Variants in SYT10 observed in about 807,000 individuals in gnomAD.
The protein encoded by SYT10 is synaptotagmin-10.
Under a neutral mutation model 51.1 loss-of-function variants are expected in SYT10, and 31 were observed. That is an observed-to-expected ratio of 0.61 (90% CI 0.46 to 0.82). The LOEUF (loss-of-function observed/expected upper bound fraction) is 0.82. Ranked by LOEUF, SYT10 falls within the 40% of genes least tolerant of loss-of-function variation. The pLI is 0.00. For synonymous variants in SYT10, 233 were observed against 225.9 expected, an observed-to-expected ratio of 1.03 and a Z score of -0.28; for missense variants, 603 against 634.0, an observed-to-expected ratio of 0.95 and a Z score of 0.53.
At chr12:33,430,446 C>T (rs561227084) in intron 1 of SYT10, among the ~76,000 whole-genome samples, 2 of 152,286 alleles carry the variant, frequency 1.3e-5, no homozygotes, top group Non-Finnish European at 2.9e-5. Flanking sequence ...CTTATAAATA[C>T]TGCTAGGTCC....
In SYT10 at chr12:33,399,738, G is replaced by T. The variant is rs556619429; in HGVS notation, c.1077+7051C>A. On this transcript the variant is annotated intron_variant, in intron 3 of 6. Coordinates refer to ENST00000228567, the MANE Select transcript of SYT10 (RefSeq NM_198992.4). Reference sequence around the variant, plus strand: ...CATGGTCTTATGATAGTATATGAAGGACTCTACTATTTTTAAACTGAAGTT... The same window carrying T: ...CATGGTCTTATGATAGTATATGAAGTACTCTACTATTTTTAAACTGAAGTT... Among the ~76,000 whole-genome samples the T allele has an allele frequency of 3.3e-5, 5 of 152,162 alleles. 1 individual carries two copies. In the East Asian group the frequency reaches 9.6e-4, roughly 29 times the overall value.
rs190751546 is a variant in SYT10, at chr12:33,380,663, A to G, written c.1371-702T>C. Among the ~76,000 whole-genome samples the G allele has an allele frequency of 7.7e-4, 117 of 152,310 alleles. No homozygotes were observed. The East Asian group carries it at 0.01, about 13-fold the overall frequency. ...TGACCCAATTAATTCCCCCACCATG[A>G]CCATGAATATCATTATTATCATTCT... On this transcript the variant is annotated intron_variant, in intron 5 of 6. Coordinates refer to ENST00000228567, the MANE Select transcript of SYT10 (RefSeq NM_198992.4).
Position 33,431,123 on chromosome 12 carries a change from C to T in SYT10, c.152-4628G>A, listed in dbSNP as rs543280784. ...TGAAGTCCAAGATGGCAAGCTACTA[C>T]GTCCATATTTCAGGCAGCTGGATGG... On this transcript the variant is annotated intron_variant, in intron 1 of 6. Transcript: ENST00000228567. 4.6e-5 allele frequency among the ~76,000 whole-genome samples: 7 copies of T among 152,196 alleles called. No homozygotes were observed. In the South Asian group the frequency reaches 6.2e-4, roughly 14 times the overall value.
intron 3 of SYT10, among the ~76,000 whole-genome samples, chr12:33,395,693 T>A (rs1222925758): frequency 6.6e-6 from 1 of 152,244 alleles, no homozygotes; most frequent in Non-Finnish European, 1.5e-5. Flanking sequence ...TCTCTATGCA[T>A]ATCAGTCACA....
Position 33,379,969 on chromosome 12 carries a change from T to A in SYT10, c.1371-8A>T, listed in dbSNP as rs752304716. The A allele has an allele frequency of 6.3e-6, 10 of 1,592,306 alleles. No individual in the cohort carries two copies. The African/African-American group carries it at 1.3e-4, about 21-fold the overall frequency. On this transcript the variant is annotated splice_region_variant and splice_polypyrimidine_tract_variant and intron_variant, in intron 5 of 6. Transcript: ENST00000228567. ...ACCTCATTGTGTCCTACCCTATGATTTGTGGGATATTATATTTTCATTTCC... is the reference window on the plus strand; with the variant it reads ...ACCTCATTGTGTCCTACCCTATGATATGTGGGATATTATATTTTCATTTCC...
At chr12:33,380,079 A>T in intron 5 of SYT10, 118 bp from the exon 6 acceptor site, 7 of 1,105,792 alleles carry the variant, frequency 6.3e-6, no homozygotes, top group South Asian at 3.7e-5. Flanking sequence ...AATTTTGCAG[A>T]TTATGCTACT....
intron 2 of SYT10, chr12:33,423,983 C>A (rs1008511118): frequency 2.0e-5 from 9 of 455,872 alleles, no homozygotes; most frequent in Non-Finnish European, 4.0e-5. Flanking sequence ...GCTCAAAATT[C>A]TTTTCTTCTT....
chr12:33,413,915 G>C (rs148540964), intron 2 of SYT10, among the ~76,000 whole-genome samples: 5,823 of 152,004 alleles, frequency 0.038, 361 homozygotes, highest in African/African-American at 0.13. Flanking sequence ...CAAGACCCAT[G>C]AGTGTGCTGT....
At chr12:33,424,040 T>C (rs1444260692) in intron 2 of SYT10, 3 of 454,824 alleles carry the variant, frequency 6.6e-6, no homozygotes, top group Non-Finnish European at 1.3e-5. Flanking sequence ...CAGAGGCAGG[T>C]GAAATGATTG....
intron 3 of SYT10, among the ~76,000 whole-genome samples, chr12:33,399,533 T>C (rs1866284579): frequency 6.6e-6 from 1 of 152,230 alleles, no homozygotes; most frequent in Non-Finnish European, 1.5e-5. Context: ...CAAAACACAC[T>C]GATCAGACAA....
chr12:33,418,166 C>T (rs1321557386), intron 2 of SYT10, among the ~76,000 whole-genome samples: 1 of 152,086 alleles, frequency 6.6e-6, no homozygotes, highest in Non-Finnish European at 1.5e-5. Context: ...TCAAACAGGT[C>T]CATTCACAAT....
intron 2 of SYT10, among the ~76,000 whole-genome samples, chr12:33,416,096 G>T (rs1325682890): frequency 8.3e-6 from 1 of 120,312 alleles, no homozygotes; most frequent in Non-Finnish European, 1.8e-5. Context: ...ATTTGTTGTT[G>T]TTGAGACAGA....
chr12:33,375,988 A>G lies in SYT10; in HGVS notation c.*842T>C, dbSNP rs908770187. On this transcript the variant is annotated 3_prime_UTR_variant, in exon 7 of 7. Coordinates refer to ENST00000228567, the MANE Select transcript of SYT10 (RefSeq NM_198992.4). The stretch of plus-strand genomic sequence containing the variant: ...ACATGTCACAGTACTTGAGAACCTT[A>G]CAAACACTTAAAAATTAACTTCTGA... 1.3e-5 allele frequency: 2 copies of G among 152,622 alleles called. No individual in the cohort carries two copies. Among genetic ancestry groups the G allele is most frequent in the Non-Finnish European group, 2.9e-5 (2 of 68,028 alleles). The allele number at this position is 152,622 out of a possible 1,614,324, so 9.5% of individuals were successfully genotyped here. A position where few individuals can be genotyped will look rare whatever the true frequency, so the allele number is the denominator to read the frequency against.
At position 33,380,195 on chromosome 12, in the gene SYT10, G is replaced by A. The variant is rs139688503; in HGVS notation, c.1371-234C>T. 6.6e-5 allele frequency among the ~76,000 whole-genome samples: 10 copies of A among 152,214 alleles called. No individual in the cohort carries two copies. The East Asian group carries it at 1.9e-3, about 29-fold the overall frequency. On this transcript the variant is annotated intron_variant, in intron 5 of 6. Transcript: ENST00000228567. ...CACACACAAACCATTTCAGTGCTTT[G>A]TAGTTTAAGCACATTTCATCATAAT... is the stretch of plus-strand genomic sequence containing the variant.
At chr12:33,390,165 C>A (rs1191311618) in intron 3 of SYT10, among the ~76,000 whole-genome samples, 3 of 152,150 alleles carry the variant, frequency 2.0e-5, no homozygotes, top group Non-Finnish European at 4.4e-5. Flanking sequence ...GGCGGAGCCT[C>A]CTTGAAAAGA....
At chr12:33,435,480 G>A (rs1866631156) in intron 1 of SYT10, among the ~76,000 whole-genome samples, 1 of 152,182 alleles carries the variant, frequency 6.6e-6, no homozygotes, top group Admixed American at 6.5e-5. Flanking sequence ...GAGTGACAAT[G>A]TGGAGGAAGG....
At position 33,377,240 on chromosome 12, in the gene SYT10, T is replaced by C. The variant is rs1434893483; in HGVS notation, c.1501-339A>G. Among the ~76,000 whole-genome samples the C allele has an allele frequency of 2.0e-5, 3 of 152,336 alleles. No individual in the cohort carries two copies. In the East Asian group the frequency reaches 5.8e-4, roughly 29 times the overall value. On this transcript the variant is annotated intron_variant, in intron 6 of 6. Transcript: ENST00000228567. ...GGTTTACTTTAGTAAACCATTCATC[T>C]CGGCTCACTGCAACCTCTGCCTCCT...
In SYT10 at chr12:33,431,307, T is replaced by G. The variant is rs966599748; in HGVS notation, c.152-4812A>C. ...GACTGAAAAATGCTCTTTTAAAATT[T>G]TTTATGCTGCCATATTCTTAAGAAA... On this transcript the variant is annotated intron_variant, in intron 1 of 6. Coordinates refer to ENST00000228567, the MANE Select transcript of SYT10 (RefSeq NM_198992.4). Among the ~76,000 whole-genome samples the G allele has an allele frequency of 6.6e-5, 10 of 152,326 alleles. No individual in the cohort carries two copies. The South Asian group carries it at 1.2e-3, about 19-fold the overall frequency.
chr12:33,383,282 GTTTGCTATCAATTTTT>G (rs1866131615), intron 4 of SYT10, among the ~76,000 whole-genome samples: 1 of 146,420 alleles, frequency 6.8e-6, no homozygotes, highest in Admixed American at 7.0e-5. Context: ...AACAATCAGT[GTTTGCTATCAATTTTT>G]TTTTCATTCT....
Sources: allele counts gnomAD v4.1 joint callset (sites outside exome capture counted in the v4.1 genomes callset), GRCh38; gene constraint gnomAD v4.1.1; transcripts MANE v1.5; gene names NCBI Gene and HGNC (gene_info 2026-07-23, HGNC 2026-07-21).